ANKRD36: variants seen among roughly 807,000 people sequenced by gnomAD.
ANKRD36 encodes the protein ankyrin repeat domain 36, also known as ankyrin repeat domain-containing protein 36A.
A neutral mutation model predicts 278.1 loss-of-function variants in ANKRD36; 179 were observed. The ratio of observed to expected loss-of-function variants is 0.64; its 90% CI spans 0.57 to 0.73. ANKRD36 has a LOEUF of 0.73. Among genes scored for constraint, ANKRD36 ranks in the 30% least tolerant of loss-of-function variants. The pLI, the probability that ANKRD36 is intolerant of heterozygous loss-of-function variation, is 0.00. For missense variants in ANKRD36, 1,159 were observed against 1,956.7 expected, an observed-to-expected ratio of 0.59 and a Z score of 7.69; for synonymous variants, 320 against 641.1, an observed-to-expected ratio of 0.50 and a Z score of 7.57.
intron 18 of ANKRD36, chr2:97,163,984 T>C: frequency 8.3e-7 from 1 of 1,200,366 alleles, no homozygotes; most frequent in Non-Finnish European, 1.0e-6. Context: ...TTTGGCTTCA[T>C]CCAGCTGATT....
At chr2:97,121,773 A>G (rs2036934822) in intron 3 of ANKRD36, among the ~76,000 whole-genome samples, 2 of 152,208 alleles carry the variant, frequency 1.3e-5, no homozygotes, top group South Asian at 4.2e-4. Flanking sequence ...TTGATATTTT[A>G]CCTAAAATAA....
intron 34 of ANKRD36, among the ~76,000 whole-genome samples, chr2:97,190,574 A>G (rs2058303709): frequency 1.3e-5 from 2 of 151,640 alleles, no homozygotes; most frequent in African/African-American, 2.4e-5. Context: ...TTGTAGTACA[A>G]TGGTATAAAT....
chr2:97,169,950 A>G (rs2051926758), intron 22 of ANKRD36, among the ~76,000 whole-genome samples: 1 of 152,182 alleles, frequency 6.6e-6, no homozygotes, highest in African/African-American at 2.4e-5. Flanking sequence ...GAACAAAAAA[A>G]GGGCCCATAT....
chr2:97,176,073 G>A (rs2054151814), intron 22 of ANKRD36, among the ~76,000 whole-genome samples: 1 of 151,644 alleles, frequency 6.6e-6, no homozygotes, highest in African/African-American at 2.4e-5. Context: ...AATAGGTGTG[G>A]TGTGGTGCTG....
chr2:97,203,948 C>T (rs1433439805), intron 48 of ANKRD36, 120 bp from the exon 49 acceptor site: 5 of 1,444,872 alleles, frequency 3.5e-6, no homozygotes, highest in African/African-American at 1.5e-5. Context: ...AAATTAGAAG[C>T]CATCAAAGCA....
At chr2:97,229,768 G>T (rs538861272) in intron 67 of ANKRD36, among the ~76,000 whole-genome samples, 3 of 152,122 alleles carry the variant, frequency 2.0e-5, no homozygotes, top group South Asian at 4.2e-4. Flanking sequence ...TTTTGCAGTG[G>T]CTGGTACCGG....
At chr2:97,161,897 A>G (rs11899507) in intron 17 of ANKRD36, among the ~76,000 whole-genome samples, 193 of 152,268 alleles carry the variant, frequency 1.3e-3, no homozygotes, top group African/African-American at 4.5e-3. Context: ...TGTAGAAATA[A>G]TGAATTGTGT....
At chr2:97,156,219 C>CT (rs550040950) in intron 15 of ANKRD36, among the ~76,000 whole-genome samples, 10 of 141,796 alleles carry the variant, frequency 7.1e-5, no homozygotes, top group Non-Finnish European at 9.6e-5. Flanking sequence ...ATACATTACT[C>CT]TTTTTTTTTT....
chr2:97,118,267 A>G lies in ANKRD36; in HGVS notation c.313-77A>G, dbSNP rs1460009228. On this transcript the variant is annotated intron_variant, in intron 2 of 75. Coordinates refer to ENST00000420699, the MANE Select transcript of ANKRD36 (RefSeq NM_001354587.1). The stretch of plus-strand genomic sequence containing the variant: ...ATTTATCTCATTGGAATACCACCAT[A>G]TAACTAGTAGGAAATCCTACGGAGT... The G allele has an allele frequency of 6.2e-5, 100 of 1,605,958 alleles. 1 individual carries two copies. The highest frequency in any genetic ancestry group is 6.9e-5 in the Non-Finnish European group (81 of 1,176,044).
intron 68 of ANKRD36, among the ~76,000 whole-genome samples, chr2:97,235,234 C>T (rs1231293929): frequency 6.6e-6 from 1 of 151,646 alleles, no homozygotes; most frequent in Non-Finnish European, 1.5e-5. Context: ...TGGATATGGA[C>T]AGCCAATTGT....
chr2:97,230,612 A>G (rs1386544630), intron 67 of ANKRD36, among the ~76,000 whole-genome samples: 3 of 152,060 alleles, frequency 2.0e-5, no homozygotes, highest in African/African-American at 7.2e-5. Context: ...GAGTAGTTTG[A>G]TCGTCTGAAG....
intron 6 of ANKRD36, among the ~76,000 whole-genome samples, chr2:97,136,898 T>A (rs1370919123): frequency 6.6e-6 from 1 of 152,064 alleles, no homozygotes; most frequent in East Asian, 1.9e-4. Flanking sequence ...TATACTGCAA[T>A]TCACATGTAA....
chr2:97,182,004 G>A (rs1445454206), intron 26 of ANKRD36, among the ~76,000 whole-genome samples: 3 of 151,504 alleles, frequency 2.0e-5, no homozygotes, highest in African/African-American at 4.8e-5. Flanking sequence ...AAATTGGGAA[G>A]AAGAAACGTT....
chr2:97,178,436 C>T (rs1188888419), intron 22 of ANKRD36, among the ~76,000 whole-genome samples: 1 of 151,700 alleles, frequency 6.6e-6, no homozygotes, highest in Non-Finnish European at 1.5e-5. Flanking sequence ...CCCAAATGTC[C>T]AACAATGATA....
At chr2:97,228,999 A>G (rs1402259900) in intron 67 of ANKRD36, among the ~76,000 whole-genome samples, 1 of 152,148 alleles carries the variant, frequency 6.6e-6, no homozygotes, top group African/African-American at 2.4e-5. Flanking sequence ...GTGGTCTGAC[A>G]GACACTTTGT....
At chr2:97,198,299 A>C (rs546849989) in intron 42 of ANKRD36, among the ~76,000 whole-genome samples, 164 bp from the exon 43 acceptor site, 63 of 152,038 alleles carry the variant, frequency 4.1e-4, no homozygotes, top group African/African-American at 1.4e-3. Flanking sequence ...CCCTTTTCTC[A>C]GCGTATTTCT....
chr2:97,203,347 T>A (rs1343323928), intron 48 of ANKRD36, among the ~76,000 whole-genome samples: 1 of 151,826 alleles, frequency 6.6e-6, no homozygotes, highest in Non-Finnish European at 1.5e-5. Flanking sequence ...TCACTTTGTA[T>A]GTGTATGTCA....
chr2:97,244,137 T>C, intron 70 of ANKRD36, 108 bp downstream of exon 70: 3 of 1,359,638 alleles, frequency 2.2e-6, no homozygotes, highest in Non-Finnish European at 2.9e-6. Context: ...CCCCAAATTT[T>C]ATTTCATCTT....
At chr2:97,211,455 G>T in intron 56 of ANKRD36, 91 bp from the exon 57 acceptor site, 1 of 1,544,288 alleles carries the variant, frequency 6.5e-7, no homozygotes, top group South Asian at 1.2e-5. Flanking sequence ...TACAGGCTGG[G>T]GGACAGAGTT....
Sources: allele counts gnomAD v4.1 joint callset (sites outside exome capture counted in the v4.1 genomes callset), GRCh38; gene constraint gnomAD v4.1.1; transcripts MANE v1.5; gene names NCBI Gene and HGNC (gene_info 2026-07-23, HGNC 2026-07-21).